The following YIPF2 variants were observed in gnomAD, a reference collection of about 807,000 sequenced individuals.
YIPF2 encodes Yip1 domain family member 2.
Under a neutral mutation model 38.8 loss-of-function variants are expected in YIPF2, and 30 were observed. The observed-to-expected ratio is 0.77, with a 90% confidence interval of 0.58 to 1.05. The LOEUF is 1.05. Ranked by LOEUF, YIPF2 falls within the 50% of genes least tolerant of loss-of-function variation. The pLI, the probability that YIPF2 is intolerant of heterozygous loss-of-function variation, is 0.00. For synonymous variants in YIPF2, 194 were observed against 183.8 expected, an observed-to-expected ratio of 1.06 and a Z score of -0.45; for missense variants, 401 against 409.7, an observed-to-expected ratio of 0.98 and a Z score of 0.18.
rs1214075281 is a variant in YIPF2 at position 10,924,103 on chromosome 19, T to TGG, written c.455_456dup (p.Ile153ProfsTer11). ...TTGTGGAACTGGGGGCTGTAGTGGATGGAGGGGTCCCTCCTCTGGGCCAGC... is the reference window on the plus strand; with the variant it reads ...TTGTGGAACTGGGGGCTGTAGTGGATGGGGAGGGGTCCCTCCTCTGGGCCAGC... On this transcript the variant is annotated frameshift_variant, in exon 6 of 10. Coordinates refer to ENST00000586748, the MANE Select transcript of YIPF2 (RefSeq NM_001321439.2). LOFTEE classifies it high-confidence loss of function. 1 of 1,613,688 alleles carries TGG rather than the reference T, an allele frequency of 6.2e-7. No individual in the cohort carries two copies. Among genetic ancestry groups the TGG allele is most frequent in the Non-Finnish European group, 8.5e-7 (1 of 1,179,898 alleles).
At chr19:10,924,678 C>T (rs1437532403) in intron 5 of YIPF2, among the ~76,000 whole-genome samples, 1 of 152,146 alleles carries the variant, frequency 6.6e-6, no homozygotes, top group Non-Finnish European at 1.5e-5. Flanking sequence ...CCAAGCTGGT[C>T]CCGTGGATAC....
Position 10,923,739 on chromosome 19 carries a change from C to A in YIPF2, c.652-62G>T, listed in dbSNP as rs1397964663. The stretch of plus-strand genomic sequence containing the variant: ...CCCCCAGCCACCACCCACTCTGCAC[C>A]AGGCCACCCTCACCACCATGGGAAT... On this transcript the variant is annotated intron_variant, in intron 7 of 9. Transcript: ENST00000586748. The A allele has an allele frequency of 3.8e-6, 6 of 1,578,156 alleles. No individual in the cohort carries two copies. The African/African-American group carries it at 6.7e-5, about 18-fold the overall frequency.
chr19:10,925,738 C>A lies in YIPF2; in HGVS notation c.315G>T (p.Arg105=). 6.2e-7 allele frequency: 1 copy of A among 1,613,908 alleles called. No individual in the cohort carries two copies. Among genetic ancestry groups the A allele is most frequent in the Non-Finnish European group, 8.5e-7 (1 of 1,180,002 alleles). ...GGTGCCGCACAAAGTTGTGGCCAGG[C>A]CGGGGCAGCAGTGAGCCTTTGATCC... is the stretch of plus-strand genomic sequence containing the variant. The part of the protein sequence containing the change: ...LDRIKGSLLP[R]PGHNFVRHHL... The change falls in exon 5 of 10, where the codon CGG becomes CGT. Residue 105 remains arginine (R), a synonymous_variant. Coordinates refer to ENST00000586748, the MANE Select transcript of YIPF2 (RefSeq NM_001321439.2).
At position 10,927,909 on chromosome 19, in the gene YIPF2, T is replaced by C; in HGVS notation, c.82A>G (p.Thr28Ala). 6.2e-7 allele frequency: 1 copy of C among 1,612,060 alleles called. No homozygotes were observed. The highest frequency in any genetic ancestry group is 8.5e-7 in the Non-Finnish European group (1 of 1,178,504). ...LLADTPDAATTSRSDQLTPQG... is the reference protein window; with the variant it reads ...LLADTPDAATASRSDQLTPQG... ...GGGGTCAGCTGATCGCTTCTGCTGG[T>C]GGTGGCTGCATCTGGGGTGTCAGCC... is the stretch of plus-strand genomic sequence containing the variant. The change falls in exon 3 of 10, where the codon ACC (threonine) becomes GCC (alanine). Residue 28 changes from threonine (T) to alanine (A), a missense_variant. Physicochemically the swap from Thr to Ala is moderately conservative, Grantham distance 58. Coordinates refer to ENST00000586748, the MANE Select transcript of YIPF2 (RefSeq NM_001321439.2).
chr19:10,925,905 CTTTTTTTTT>C, intron 4 of YIPF2, 132 bp from the exon 5 acceptor site: 4 of 434,286 alleles, frequency 9.2e-6, no homozygotes, highest in East Asian at 8.9e-5. Flanking sequence ...CTTTCCCTCT[CTTTTTTTTT>C]TTTTTTTTTT....
In YIPF2 at chr19:10,924,172, TG is replaced by T; in HGVS notation, c.387del (p.Thr130ArgfsTer12). On this transcript the variant is annotated frameshift_variant, in exon 6 of 10. Transcript: ENST00000586748. LOFTEE classifies it high-confidence loss of function. The stretch of plus-strand genomic sequence containing the variant: ...GTGACGGCCAGGACAAAGGCCAACG[TG>T]GCACAGATCCAGAAGGGGCCTGGGG... Reference protein sequence around the residue: ...PDLYGPFWICATLAFVLAVTG... With the variant: ...PDLYGPFWICXTLAFVLAVTG... The T allele has an allele frequency of 6.2e-7, 1 of 1,612,616 alleles. No individual in the cohort carries two copies. The highest frequency in any genetic ancestry group is 8.5e-7 in the Non-Finnish European group (1 of 1,179,870).
intron 5 of YIPF2, 145 bp from the exon 6 acceptor site, chr19:10,924,337 C>T: frequency 2.9e-6 from 2 of 685,830 alleles, no homozygotes; most frequent in East Asian, 5.5e-5. Flanking sequence ...CTCCTGGTGG[C>T]TGAGCCCAGT....
Position 10,923,503 on chromosome 19 carries a change from C to G in YIPF2, c.826G>C (p.Gly276Arg). The change falls in exon 8 of 10, where the codon GGC becomes CGC. Residue 276 changes from glycine (G) to arginine (R), a missense_variant. Gly to Arg is a moderately radical substitution (Grantham distance 125). Transcript: ENST00000586748. Reference sequence around the variant, plus strand: ...CCACCCCAGACCCGTACCTTACAGCCCATGGCCAGGAGGGCGTGGAGCAGC... The same window carrying G: ...CCACCCCAGACCCGTACCTTACAGCGCATGGCCAGGAGGGCGTGGAGCAGC... ...VVLLHALLAM[G>R]CKLYFFQSLP... is the part of the protein sequence containing the mutation. The G allele has an allele frequency of 6.2e-7, 1 of 1,612,898 alleles. No individual in the cohort carries two copies. The highest frequency in any genetic ancestry group is 8.5e-7 in the Non-Finnish European group (1 of 1,179,700).
chr19:10,925,783 A>AGGCCAAGGTCAAGGATGGAAGTC lies in YIPF2; in HGVS notation c.280-33_280-11dup, dbSNP rs2083414176. ...TGATCCGGTCCAGGACCTGGGGGCA[A>AGGCCAAGGTCAAGGATGGAAGTC]GGCCAAGGTCAAGGATGGAAGTCTG... is the stretch of plus-strand genomic sequence containing the variant. On this transcript the variant is annotated splice_polypyrimidine_tract_variant and intron_variant, in intron 4 of 9. Transcript: ENST00000586748. 6.2e-7 allele frequency: 1 copy of AGGCCAAGGTCAAGGATGGAAGTC among 1,613,098 alleles called. No homozygotes were observed. The highest frequency in any genetic ancestry group is 1.3e-5 in the African/African-American group (1 of 74,936).
intron 4 of YIPF2, among the ~76,000 whole-genome samples, chr19:10,926,152 C>G (rs916742159): frequency 6.6e-6 from 1 of 151,714 alleles, no homozygotes; most frequent in Non-Finnish European, 1.5e-5. Flanking sequence ...CTCAGGTAAT[C>G]CACCCACCTC....
Position 10,923,893 on chromosome 19 carries a change from G to A in YIPF2, c.591C>T (p.Tyr197=), listed in dbSNP as rs367688120. Residue 197 remains tyrosine, a synonymous_variant, in exon 7 of 10, where the codon TAC becomes TAT. Transcript: ENST00000586748. ...AGATGCACACAGTCTCCAGGAAGGT[G>A]TAGGGCCCCATGCGCTCCTGGACAC... ...RKGVQERMGP[Y]TFLETVCIYG... 6.2e-6 allele frequency: 10 copies of A among 1,613,230 alleles called. No homozygotes were observed. In the South Asian group the frequency reaches 6.6e-5, roughly 11 times the overall value.
chr19:10,927,814 C>A lies in YIPF2; in HGVS notation c.177G>T (p.Glu59Asp). Reference sequence around the variant, plus strand: ...AGGGACTCACCGCGGCCTTGTCACTCTCCTCCTCCACCTCATCCTCGGCTC... The same window carrying A: ...AGGGACTCACCGCGGCCTTGTCACTATCCTCCTCCACCTCATCCTCGGCTC... Reference protein sequence around the residue: ...SYGAEDEVEEESDKAALLQEQ... With the variant: ...SYGAEDEVEEDSDKAALLQEQ... Residue 59 changes from glutamate to aspartate, a missense_variant, in exon 3 of 10, where the codon GAG becomes GAT. Physicochemically the swap from Glu to Asp is conservative, Grantham distance 45 (BLOSUM62 2). Coordinates refer to ENST00000586748, the MANE Select transcript of YIPF2 (RefSeq NM_001321439.2). The A allele has an allele frequency of 6.2e-7, 1 of 1,607,644 alleles. No individual in the cohort carries two copies. The highest frequency in any genetic ancestry group is 8.5e-7 in the Non-Finnish European group (1 of 1,176,128).
Position 10,927,944 on chromosome 19 carries a change from G to GC in YIPF2, c.46_47insG (p.Thr16SerfsTer2). On this transcript the variant is annotated frameshift_variant, in exon 3 of 10. Coordinates refer to ENST00000586748, the MANE Select transcript of YIPF2 (RefSeq NM_001321439.2). LOFTEE classifies it high-confidence loss of function. ...ATCTGGGGTGTCAGCCAGAAGATTAGTGGCCTCCTCGAATTCTGTGGAGGA... is the reference window on the plus strand; with the variant it reads ...ATCTGGGGTGTCAGCCAGAAGATTAGCTGGCCTCCTCGAATTCTGTGGAGGA... 1 of 1,607,276 alleles carries GC rather than the reference G, an allele frequency of 6.2e-7. No individual in the cohort carries two copies. Among genetic ancestry groups the GC allele is most frequent in the Non-Finnish European group, 8.5e-7 (1 of 1,174,544 alleles).
At position 10,924,005 on chromosome 19, in the gene YIPF2, G is replaced by T. The variant is rs148577538; in HGVS notation, c.485-6C>A. ...GCTGATGCCTGCCACGGTCACTGGG[G>T]GGGGCAAGGTGAGCAGTCACCCCCT... is the stretch of plus-strand genomic sequence containing the variant. On this transcript the variant is annotated splice_polypyrimidine_tract_variant and splice_region_variant and intron_variant, in intron 6 of 9. Transcript: ENST00000586748. The T allele has an allele frequency of 5.5e-4, 892 of 1,612,530 alleles. 1 individual carries two copies. Among genetic ancestry groups the T allele is most frequent in the Non-Finnish European group, 7.3e-4 (862 of 1,179,244 alleles).
chr19:10,928,405 T>C lies in YIPF2; in HGVS notation c.6A>G (p.Ala2=). ...CATGGAAGGTCAGCTCGTCGGCCGA[T>C]GCCATGGTCGTTCAGGGGCGTCTCC... M[A]SADELTFHEF... The change falls in exon 2 of 10, where the codon GCA becomes GCG. Residue 2 remains alanine (A), a synonymous_variant. Transcript: ENST00000586748. 7.5e-7 allele frequency: 1 copy of C among 1,334,082 alleles called. No homozygotes were observed. Among genetic ancestry groups the C allele is most frequent in the Non-Finnish European group, 9.6e-7 (1 of 1,037,592 alleles). 82.6% of individuals were successfully genotyped at this position (1,334,082 alleles called of 1,614,324 possible). A position where few individuals can be genotyped will look rare whatever the true frequency, so the allele number is the denominator to read the frequency against.
At chr19:10,927,060 C>T (rs1296241388) in intron 4 of YIPF2, among the ~76,000 whole-genome samples, 3 of 151,158 alleles carry the variant, frequency 2.0e-5, no homozygotes, top group Non-Finnish European at 2.9e-5. Context: ...TTAGTAGAGA[C>T]GGGGTTTCAC....
At chr19:10,925,987 T>C (rs1182708457) in intron 4 of YIPF2, among the ~76,000 whole-genome samples, 1 of 148,990 alleles carries the variant, frequency 6.7e-6, no homozygotes, top group Non-Finnish European at 1.5e-5. Context: ...CTCGGCTCAC[T>C]GCAACCTCTG....
chr19:10,928,492 C>T lies in YIPF2; in HGVS notation c.-31+19G>A. ...CTTCCCCCCCGCCCCCGAGCCGGTCCCTCGGCCCCCAGCCCTACCTGGCGA... is the reference window on the plus strand; with the variant it reads ...CTTCCCCCCCGCCCCCGAGCCGGTCTCTCGGCCCCCAGCCCTACCTGGCGA... On this transcript the variant is annotated intron_variant, in intron 1 of 9. Transcript: ENST00000586748. 7.4e-7 allele frequency: 1 copy of T among 1,347,832 alleles called. No individual in the cohort carries two copies. Among genetic ancestry groups the T allele is most frequent in the Non-Finnish European group, 9.6e-7 (1 of 1,046,678 alleles). The allele number at this position is 1,347,832 out of a possible 1,614,324, so 83.5% of individuals were successfully genotyped here. A position where few individuals can be genotyped will look rare whatever the true frequency, so the allele number is the denominator to read the frequency against.
In YIPF2 at chr19:10,923,639, G is replaced by A; in HGVS notation, c.690C>T (p.Leu230=). The A allele has an allele frequency of 6.2e-7, 1 of 1,612,474 alleles. No homozygotes were observed. Among genetic ancestry groups the A allele is most frequent in the Non-Finnish European group, 8.5e-7 (1 of 1,179,160 alleles). ...WLIPVPWLQW[L]FGALALGLSA... The stretch of plus-strand genomic sequence containing the variant: ...ACAGGCCCAGGGCCAGCGCCCCAAA[G>A]AGCCACTGCAGCCAAGGCACAGGGA... The change falls in exon 8 of 10, where the codon CTC becomes CTT. Residue 230 remains leucine, a synonymous_variant. Coordinates refer to ENST00000586748, the MANE Select transcript of YIPF2 (RefSeq NM_001321439.2).
Sources: allele counts gnomAD v4.1 joint callset (sites outside exome capture counted in the v4.1 genomes callset), GRCh38; gene constraint gnomAD v4.1.1; transcripts MANE v1.5; gene names NCBI Gene and HGNC (gene_info 2026-07-23, HGNC 2026-07-21).